The following SASH1 variants were observed in gnomAD, a reference collection of about 807,000 sequenced individuals.
SASH1 encodes SAM and SH3 domain containing 1.
SASH1 carries 44 observed loss-of-function variants against 125.2 expected under a neutral mutation model. The observed-to-expected ratio is 0.35, with a 90% CI of 0.28 to 0.45. The LOEUF is 0.45. Ranked by LOEUF, SASH1 falls within the 20% of genes least tolerant of loss-of-function variation. The pLI is 1.00. For synonymous variants in SASH1, 639 were observed against 649.1 expected (o/e 0.98, Z 0.24); for missense variants, 1,426 against 1,614.5 (o/e 0.88, Z 2.00).
At position 148,552,040 on chromosome 6, in the gene SASH1, T is replaced by C. The variant is rs1305641873; in HGVS notation, c.*3482T>C. ...GAAAAAAGTAAATAAATTTCTTCAG[T>C]TGAATATGCCTTTTTTGTTGTTTCT... On this transcript the variant is annotated 3_prime_UTR_variant, in exon 20 of 20. Transcript: ENST00000367467. The C allele has an allele frequency of 6.6e-6, 1 of 152,656 alleles. No homozygotes were observed. Among genetic ancestry groups the C allele is most frequent in the African/African-American group, 2.4e-5 (1 of 41,468 alleles). The allele number at this position is 152,656 out of a possible 1,614,324, so 9.5% of individuals were successfully genotyped here.
At chr6:148,465,495 A>T (rs1293894706) in intron 4 of SASH1, among the ~76,000 whole-genome samples, 1 of 151,034 alleles carries the variant, frequency 6.6e-6, no homozygotes, top group Non-Finnish European at 1.5e-5. Flanking sequence ...GTGAGCCGAG[A>T]TCGCATCACT....
In SASH1 at chr6:148,544,954, C is replaced by T. The variant is rs1012478079; in HGVS notation, c.3348+136C>T. On this transcript the variant is annotated intron_variant, in intron 18 of 19. Coordinates refer to ENST00000367467, the MANE Select transcript of SASH1 (RefSeq NM_015278.5). This position sits in a 1 kb window ranked among gnomAD's most constrained non-coding sequence, Gnocchi z 6.4. ...CAGGAGACACCTGAATCCACGTGTCCACACCTTACTTGACATGCATGTGTT... is the reference window on the plus strand; with the variant it reads ...CAGGAGACACCTGAATCCACGTGTCTACACCTTACTTGACATGCATGTGTT... 1.6e-5 allele frequency: 12 copies of T among 750,478 alleles called. No homozygotes were observed. Among genetic ancestry groups the T allele is most frequent in the East Asian group, 2.7e-5 (1 of 36,874 alleles). 46.5% of individuals were successfully genotyped at this position (750,478 alleles called of 1,614,324 possible).
intron 4 of SASH1, among the ~76,000 whole-genome samples, chr6:148,463,707 T>C (rs1268381820): frequency 6.6e-6 from 1 of 152,198 alleles, no homozygotes; most frequent in Non-Finnish European, 1.5e-5. Flanking sequence ...GTCCAACTGT[T>C]TCTTTACTGT....
At chr6:148,465,412 C>A (rs1777785870) in intron 4 of SASH1, among the ~76,000 whole-genome samples, 3 of 152,096 alleles carry the variant, frequency 2.0e-5, no homozygotes, top group South Asian at 2.1e-4. Flanking sequence ...ATTAGCCAGG[C>A]ATAGTGTCAT....
intron 1 of SASH1, among the ~76,000 whole-genome samples, chr6:148,293,225 T>C (rs1779680444): frequency 6.6e-6 from 1 of 152,172 alleles, no homozygotes; most frequent in Admixed American, 6.5e-5. Context: ...CTGCTGGGAA[T>C]GCCCCTCTAG....
At chr6:148,278,142 C>T (rs1037352831) in intron 1 of SASH1, among the ~76,000 whole-genome samples, 2 of 152,170 alleles carry the variant, frequency 1.3e-5, no homozygotes, top group African/African-American at 2.4e-5. Flanking sequence ...CGGGTTCAAG[C>T]GATTCTCCTG....
intron 4 of SASH1, 49 bp from the exon 5 acceptor site, chr6:148,468,496 C>G (rs775571100): frequency 7.0e-7 from 1 of 1,426,216 alleles, no homozygotes; most frequent in Non-Finnish European, 9.8e-7. Context: ...TTTCAGTTCT[C>G]CCATGAAAGC....
At chr6:148,199,057 C>G in the SASH1 span, among the ~76,000 whole-genome samples, 1 of 152,130 alleles carries the variant, frequency 6.6e-6, no homozygotes, top group Admixed American at 6.5e-5. Flanking sequence ...CAGTATTTCC[C>G]AAGAGGCTGA....
intron 4 of SASH1, among the ~76,000 whole-genome samples, chr6:148,443,498 A>ATAATACATAT (rs1776643954): frequency 6.8e-6 from 1 of 147,708 alleles, no homozygotes. Flanking sequence ...TATTTTATAT[A>ATAATACATAT]TATGTATGTA....
the SASH1 span, among the ~76,000 whole-genome samples, chr6:148,236,345 C>T: frequency 9.2e-5 from 14 of 152,140 alleles, no homozygotes; most frequent in East Asian, 1.2e-3. Flanking sequence ...TCCTGAGTAG[C>T]TGGGATTACA....
chr6:148,211,022 GTTAT>G, the SASH1 span, among the ~76,000 whole-genome samples: 1 of 152,194 alleles, frequency 6.6e-6, no homozygotes, highest in Non-Finnish European at 1.5e-5. Flanking sequence ...GGGAAATATG[GTTAT>G]TTGGATTATG....
At chr6:148,494,887 A>T (rs940888994) in intron 8 of SASH1, among the ~76,000 whole-genome samples, 1 of 152,214 alleles carries the variant, frequency 6.6e-6, no homozygotes, top group Non-Finnish European at 1.5e-5. Context: ...TCTCAACTAA[A>T]ATATCCCCAG....
chr6:148,421,146 G>GAAGGAAGGAAGGAAGGAAGA (rs1554254949), intron 2 of SASH1, among the ~76,000 whole-genome samples: 96 of 71,192 alleles, frequency 1.3e-3, no homozygotes, highest in Admixed American at 2.8e-3. Context: ...AGGAAGGAAG[G>GAAGGAAGGAAGGAAGGAAGA]AAGAAAGAAA....
intron 4 of SASH1, among the ~76,000 whole-genome samples, chr6:148,462,442 T>G (rs575470757): frequency 2.0e-5 from 3 of 152,252 alleles, no homozygotes; most frequent in Non-Finnish European, 4.4e-5. Context: ...AGAAACGAGA[T>G]AGAGTTGTCT....
intron 1 of SASH1, among the ~76,000 whole-genome samples, chr6:148,359,660 C>T (rs1369314266): frequency 6.6e-6 from 1 of 152,146 alleles, no homozygotes; most frequent in Non-Finnish European, 1.5e-5. Context: ...GAAAGAGGTT[C>T]TGCTGTGGGT....
At chr6:148,543,655 T>G (rs769966533) in intron 17 of SASH1, 25 bp from the exon 18 acceptor site, 2 of 1,512,084 alleles carry the variant, frequency 1.3e-6, no homozygotes, top group African/African-American at 2.8e-5. Flanking sequence ...AAAATGTGAT[T>G]GTAAAATATT....
At chr6:148,326,551 C>G (rs137859067) in intron 1 of SASH1, among the ~76,000 whole-genome samples, 34 of 148,862 alleles carry the variant, frequency 2.3e-4, no homozygotes, top group African/African-American at 6.7e-4. Context: ...ATTACAGCCA[C>G]GCGCCACCGT....
intron 9 of SASH1, among the ~76,000 whole-genome samples, chr6:148,515,550 A>G (rs1200957545): frequency 6.6e-6 from 1 of 152,232 alleles, no homozygotes; most frequent in Non-Finnish European, 1.5e-5. Context: ...ATGGAAAACA[A>G]AAACATGGGG....
At chr6:148,265,302 C>A in the SASH1 span, among the ~76,000 whole-genome samples, 1 of 148,262 alleles carries the variant, frequency 6.7e-6, no homozygotes, top group Non-Finnish European at 1.5e-5. Context: ...AAAACAAGAC[C>A]CTGCCAAGAA....
Sources: gnomAD v4.1 joint callset for allele counts (sites outside exome capture counted in the v4.1 genomes callset) on GRCh38, gnomAD v4.1.1 for gene constraint, Gnocchi (gnomAD v3.1) non-coding constraint, MANE v1.5 for transcripts, NCBI Gene and HGNC (gene_info 2026-07-23, HGNC 2026-07-21) for gene names.